Variants in CLVS1 observed in about 807,000 individuals in gnomAD.
The protein encoded by CLVS1 is clavesin 1.
CLVS1 carries 10 observed loss-of-function variants against 33.1 expected under a neutral mutation model. The observed-to-expected ratio is 0.30, with a 90% confidence interval of 0.19 to 0.51. The LOEUF is 0.51. Ranked by LOEUF, CLVS1 falls within the 20% of genes least tolerant of loss-of-function variation. CLVS1 has a pLI of 0.97. For synonymous variants in CLVS1, 163 were observed against 166.1 expected (o/e 0.98, Z 0.14); for missense variants, 343 against 433.4 (o/e 0.79, Z 1.85).
chr8:61,262,573 A>C (rs1335672214), intron 2 of CLVS1, among the ~76,000 whole-genome samples: 1 of 152,188 alleles, frequency 6.6e-6, no homozygotes, highest in African/African-American at 2.4e-5. Flanking sequence ...TATTCTGAAA[A>C]GAGGAATTGT....
At chr8:61,146,798 CTCTA>C (rs1321265894) in intron 2 of CLVS1, among the ~76,000 whole-genome samples, 4 of 152,190 alleles carry the variant, frequency 2.6e-5, no homozygotes, top group African/African-American at 4.8e-5. Flanking sequence ...CTGTAGTTTG[CTCTA>C]TCTGTCTGCA....
At chr8:61,451,389 T>C (rs532451822) in intron 3 of CLVS1, among the ~76,000 whole-genome samples, 1 of 152,280 alleles carries the variant, frequency 6.6e-6, no homozygotes, top group African/African-American at 2.4e-5. Flanking sequence ...TAACTTAAAC[T>C]GGGGGGCAGA....
At chr8:61,136,770 T>C (rs1262875773) in intron 2 of CLVS1, among the ~76,000 whole-genome samples, 1 of 152,186 alleles carries the variant, frequency 6.6e-6, no homozygotes, top group Non-Finnish European at 1.5e-5. Flanking sequence ...GAATAATCTG[T>C]ACAGCAAAAC....
the CLVS1 span, among the ~76,000 whole-genome samples, chr8:61,007,728 G>T: frequency 2.0e-5 from 3 of 152,176 alleles, no homozygotes; most frequent in Non-Finnish European, 4.4e-5. Flanking sequence ...TGCCACTGTG[G>T]ACACAAACCG....
At chr8:61,157,864 A>C (rs1196765398) in intron 2 of CLVS1, among the ~76,000 whole-genome samples, 1 of 152,180 alleles carries the variant, frequency 6.6e-6, no homozygotes, top group Non-Finnish European at 1.5e-5. Flanking sequence ...TAATGGCTAA[A>C]ATGAGAAAGA....
intron 2 of CLVS1, among the ~76,000 whole-genome samples, chr8:61,238,633 G>T (rs1038973733): frequency 2.6e-5 from 4 of 152,128 alleles, no homozygotes; most frequent in African/African-American, 9.7e-5. Flanking sequence ...AGCTCTTTCT[G>T]CTTCCAACAA....
At chr8:61,048,623 A>G in the CLVS1 span, among the ~76,000 whole-genome samples, 1 of 152,132 alleles carries the variant, frequency 6.6e-6, no homozygotes, top group African/African-American at 2.4e-5. Context: ...GAGGGTCCAG[A>G]GGCAATGACC....
intron 1 of CLVS1, among the ~76,000 whole-genome samples, chr8:61,112,990 C>A (rs1370169640): frequency 6.6e-6 from 1 of 152,144 alleles, no homozygotes; most frequent in Non-Finnish European, 1.5e-5. Context: ...TATCTCCTCC[C>A]AACTATCACT....
At position 61,221,399 on chromosome 8, in the gene CLVS1, G is replaced by T. The variant is rs571177586; in HGVS notation, c.-151-78278G>T. Among the ~76,000 whole-genome samples the T allele has an allele frequency of 9.8e-5, 15 of 152,318 alleles. No homozygotes were observed. The South Asian group carries it at 2.9e-3, about 29-fold the overall frequency. The stretch of plus-strand genomic sequence containing the variant: ...TTGAGAGTTTTTAACCTGAAGGGAT[G>T]TTGAATTTTATCAGAGGCCTTCTTC... On this transcript the variant is annotated intron_variant, in intron 2 of 2. Coordinates refer to the CLVS1 transcript ENST00000522621.
intron 1 of CLVS1, among the ~76,000 whole-genome samples, chr8:61,071,597 A>G (rs1804797616): frequency 6.6e-6 from 1 of 152,208 alleles, no homozygotes. Flanking sequence ...TTTGGCATAT[A>G]AAGTGACACA....
Position 61,384,425 on chromosome 8 carries a change from G to A in CLVS1, c.630+7646G>A, listed in dbSNP as rs188298110. ...CAATAATTTACATAAGAAATGATAA[G>A]CATCTGAACTAGGAGTGATAAAAGG... On this transcript the variant is annotated intron_variant, in intron 3 of 5. Coordinates refer to ENST00000325897, the MANE Select transcript of CLVS1 (RefSeq NM_173519.3). Among the ~76,000 whole-genome samples, 350 of 152,258 alleles carry A rather than the reference G, an allele frequency of 2.3e-3. 2 individuals are homozygous for A. The highest frequency in any genetic ancestry group is 7.7e-3 in the African/African-American group (321 of 41,554).
At chr8:61,288,365 AC>A in intron 1 of CLVS1, 2 of 425,022 alleles carry the variant, frequency 4.7e-6, no homozygotes, top group Non-Finnish European at 9.5e-6. Flanking sequence ...ACACATCAGC[AC>A]CCCCATCTCC....
intron 2 of CLVS1, among the ~76,000 whole-genome samples, chr8:61,176,639 G>T (rs897371837): frequency 6.6e-6 from 1 of 152,084 alleles, no homozygotes; most frequent in Non-Finnish European, 1.5e-5. Flanking sequence ...AAGTATCCAG[G>T]TTCTGTCTCA....
chr8:61,462,598 T>C (rs1020192592), intron 5 of CLVS1, among the ~76,000 whole-genome samples: 2 of 152,198 alleles, frequency 1.3e-5, no homozygotes, highest in Non-Finnish European at 2.9e-5. Flanking sequence ...AACCTTCACC[T>C]CCTTGTACAT....
chr8:61,202,417 C>A lies in CLVS1; in HGVS notation c.-152+70557C>A, dbSNP rs1411106785. On this transcript the variant is annotated intron_variant, in intron 2 of 2. Transcript: ENST00000522621. ...CCAGAACTATCTTTTTGGTTGTGAACTAAAGGCTGACAAAGATTGTCACTT... is the reference window on the plus strand; with the variant it reads ...CCAGAACTATCTTTTTGGTTGTGAAATAAAGGCTGACAAAGATTGTCACTT... 97 of 771,120 alleles carry A rather than the reference C, an allele frequency of 1.3e-4. 3 individuals are homozygous for A. Among genetic ancestry groups the A allele is most frequent in the South Asian group, 1.1e-3 (81 of 73,832 alleles). 47.8% of individuals were successfully genotyped at this position (771,120 alleles called of 1,614,324 possible).
chr8:61,161,112 C>A (rs1178979677), intron 2 of CLVS1, among the ~76,000 whole-genome samples: 1 of 152,030 alleles, frequency 6.6e-6, no homozygotes, highest in Non-Finnish European at 1.5e-5. Context: ...AAATGCAAAG[C>A]AAAGCCACAA....
chr8:61,313,260 A>C (rs1563490977), intron 2 of CLVS1, among the ~76,000 whole-genome samples: 1 of 152,060 alleles, frequency 6.6e-6, no homozygotes, highest in Non-Finnish European at 1.5e-5. Flanking sequence ...TGTGAGGGAG[A>C]CTGCTTGAGA....
the CLVS1 span, among the ~76,000 whole-genome samples, chr8:60,988,850 T>C: frequency 6.6e-6 from 1 of 152,258 alleles, no homozygotes; most frequent in Non-Finnish European, 1.5e-5. Context: ...GTAGCTTTTT[T>C]GGTTTGTCTT....
chr8:61,200,286 T>A lies in CLVS1; in HGVS notation c.-152+68426T>A, dbSNP rs1807701105. The stretch of plus-strand genomic sequence containing the variant: ...GGTGCCTGCCACCATGCCGGCTAAT[T>A]TTTTTTGTAGTTTTAATAGAGATGG... On this transcript the variant is annotated intron_variant, in intron 2 of 2. Transcript: ENST00000522621. Among the ~76,000 whole-genome samples, 3 of 151,858 alleles carry A rather than the reference T, an allele frequency of 2.0e-5. No homozygotes were observed. In the South Asian group the frequency reaches 6.2e-4, roughly 32 times the overall value.
Sources: allele counts gnomAD v4.1 joint callset (sites outside exome capture counted in the v4.1 genomes callset), GRCh38; gene constraint gnomAD v4.1.1; transcripts MANE v1.5; gene names NCBI Gene and HGNC (gene_info 2026-07-23, HGNC 2026-07-21).